The following FHIT variants were observed in gnomAD, a reference collection of about 807,000 sequenced individuals.
FHIT encodes the protein bis(5'-adenosyl)-triphosphatase.
A neutral mutation model predicts 17.9 loss-of-function variants in FHIT; 19 were observed. The observed-to-expected ratio is 1.06, with a 90% CI of 0.74 to 1.56. The LOEUF (loss-of-function observed/expected upper bound fraction) is 1.56. Ranked by LOEUF, FHIT falls within the 40% of genes most tolerant of loss-of-function variation. The pLI is 0.00. For missense variants in FHIT, 248 were observed against 189.2 expected (o/e 1.31, Z -1.82); for synonymous variants, 81 against 69.7 (o/e 1.16, Z -0.81).
intron 5 of FHIT, among the ~76,000 whole-genome samples, chr3:60,261,993 T>A (rs558759988): frequency 5.1e-4 from 77 of 152,030 alleles, no homozygotes; most frequent in Non-Finnish European, 8.8e-4. Context: ...ATTTCTCCCC[T>A]ACCATCTACT....
chr3:60,072,387 C>G (rs1212467959), intron 5 of FHIT, among the ~76,000 whole-genome samples: 1 of 152,034 alleles, frequency 6.6e-6, no homozygotes, highest in African/African-American at 2.4e-5. Flanking sequence ...AACCTTGTGG[C>G]CCATACCATA....
At chr3:60,981,604 C>T (rs1167359792) in intron 3 of FHIT, among the ~76,000 whole-genome samples, 1 of 152,084 alleles carries the variant, frequency 6.6e-6, no homozygotes, top group Non-Finnish European at 1.5e-5. Flanking sequence ...AGCCACGGTG[C>T]CCAGCCACTT....
intron 8 of FHIT, among the ~76,000 whole-genome samples, chr3:59,758,177 A>C (rs1272524484): frequency 1.3e-5 from 2 of 152,186 alleles, no homozygotes; most frequent in Non-Finnish European, 2.9e-5. Flanking sequence ...AAAGATGGTA[A>C]TGAGATTTTG....
intron 5 of FHIT, among the ~76,000 whole-genome samples, chr3:60,173,377 C>A (rs528618146): frequency 3.6e-4 from 55 of 152,064 alleles, no homozygotes; most frequent in Non-Finnish European, 7.1e-4. Flanking sequence ...AGTCAGCCAC[C>A]CTGGTATGAA....
At chr3:59,947,371 A>G (rs1706864079) in intron 7 of FHIT, among the ~76,000 whole-genome samples, 1 of 151,690 alleles carries the variant, frequency 6.6e-6, no homozygotes, top group Non-Finnish European at 1.5e-5. Flanking sequence ...CCCCTTTGTC[A>G]TTTCTAACTT....
chr3:61,068,654 C>A (rs1368316002), intron 2 of FHIT, among the ~76,000 whole-genome samples: 2 of 151,004 alleles, frequency 1.3e-5, no homozygotes, highest in Admixed American at 1.3e-4. Flanking sequence ...GTGTAGATAT[C>A]TTTGGGGGGA....
Position 60,350,927 on chromosome 3 carries a change from T to G in FHIT, c.103+185933A>C, listed in dbSNP as rs372971413. Among the ~76,000 whole-genome samples the G allele has an allele frequency of 1.9e-4, 29 of 152,296 alleles. 1 individual carries two copies. The highest frequency in any genetic ancestry group is 6.8e-3 in the Middle Eastern group (2 of 294). ...CGAGAGTCTCTCTCCCTTGTTGGCTTTGAAGAAGCAAACTGTCATGAATCC... is the reference window on the plus strand; with the variant it reads ...CGAGAGTCTCTCTCCCTTGTTGGCTGTGAAGAAGCAAACTGTCATGAATCC... On this transcript the variant is annotated intron_variant, in intron 5 of 9. Coordinates refer to ENST00000492590, the MANE Select transcript of FHIT (RefSeq NM_002012.4).
rs139666727 is a variant in FHIT at position 59,922,405 on chromosome 3, C to T, written c.289G>A (p.Val97Ile). 84 of 1,613,354 alleles carry T rather than the reference C, an allele frequency of 5.2e-5. No individual in the cohort carries two copies. Among genetic ancestry groups the T allele is most frequent in the African/African-American group, 2.5e-4 (19 of 74,972 alleles). Residue 97 changes from valine (V) to isoleucine (I), a missense_variant, in exon 8 of 10, where the codon GTC becomes ATC. Transcript: ENST00000492590. ...CCAGCCTTCCTGGGAAGAACATGGA[C>T]GTGAACGTGCTGAAAATGTACAAGA... ...EAGQTVKHVH[V>I]HVLPRKAGDF...
At chr3:60,667,342 C>G (rs2040404941) in intron 4 of FHIT, among the ~76,000 whole-genome samples, 2 of 151,840 alleles carry the variant, frequency 1.3e-5, no homozygotes, top group Non-Finnish European at 2.9e-5. Flanking sequence ...TTGTTTTGTC[C>G]TCAAATTTAG....
chr3:59,762,534 C>G (rs979305543), intron 8 of FHIT, among the ~76,000 whole-genome samples: 3 of 152,086 alleles, frequency 2.0e-5, no homozygotes, highest in Non-Finnish European at 4.4e-5. Context: ...TGGATCCAGA[C>G]ATGCAGCAAA....
At chr3:61,185,644 A>T (rs1473008828) in intron 2 of FHIT, among the ~76,000 whole-genome samples, 1 of 152,194 alleles carries the variant, frequency 6.6e-6, no homozygotes, top group East Asian at 1.9e-4. Flanking sequence ...GCAGGAGATG[A>T]GGATGCAGTA....
intron 5 of FHIT, among the ~76,000 whole-genome samples, chr3:60,335,178 A>G (rs1398046474): frequency 6.6e-6 from 1 of 152,228 alleles, no homozygotes; most frequent in African/African-American, 2.4e-5. Flanking sequence ...TTCACAGGAA[A>G]ATAGTCAATT....
At chr3:61,172,676 G>T (rs17689493) in intron 2 of FHIT, among the ~76,000 whole-genome samples, 15,323 of 152,062 alleles carry the variant, frequency 0.1, 874 homozygotes, top group South Asian at 0.2. Flanking sequence ...ATGTGACTAT[G>T]TCCAAACACT....
intron 5 of FHIT, among the ~76,000 whole-genome samples, chr3:60,115,624 G>C (rs1232634767): frequency 6.6e-6 from 1 of 152,060 alleles, no homozygotes; most frequent in Non-Finnish European, 1.5e-5. Flanking sequence ...ACAAAGATTA[G>C]TTGTAAAACA....
At chr3:60,809,728 T>C (rs1701512237) in intron 4 of FHIT, among the ~76,000 whole-genome samples, 1 of 152,148 alleles carries the variant, frequency 6.6e-6, no homozygotes, top group Non-Finnish European at 1.5e-5. Context: ...TTCTGAAACC[T>C]TAAAGGTTGT....
At chr3:60,342,346 T>C (rs1381502497) in intron 5 of FHIT, among the ~76,000 whole-genome samples, 1 of 152,242 alleles carries the variant, frequency 6.6e-6, no homozygotes, top group Non-Finnish European at 1.5e-5. Flanking sequence ...CTAGGTTCCA[T>C]AGTGTGGCAG....
chr3:60,867,700 C>A (rs186382770), intron 3 of FHIT, among the ~76,000 whole-genome samples: 4 of 152,132 alleles, frequency 2.6e-5, no homozygotes, highest in Non-Finnish European at 5.9e-5. Context: ...AAAGAAAAAA[C>A]TATGTTTAAT....
intron 5 of FHIT, among the ~76,000 whole-genome samples, chr3:60,242,867 G>A (rs1337988787): frequency 2.6e-5 from 4 of 151,820 alleles, no homozygotes; most frequent in African/African-American, 4.8e-5. Flanking sequence ...ATACACATAT[G>A]TGAACATCTC....
intron 5 of FHIT, among the ~76,000 whole-genome samples, chr3:60,424,685 G>A (rs997711955): frequency 6.6e-6 from 1 of 152,132 alleles, no homozygotes; most frequent in Non-Finnish European, 1.5e-5. Context: ...TGTAGCTGAA[G>A]AGTCAGCAGG....
Sources: allele counts gnomAD v4.1 joint callset (sites outside exome capture counted in the v4.1 genomes callset), GRCh38; gene constraint gnomAD v4.1.1; transcripts MANE v1.5; gene names NCBI Gene and HGNC (gene_info 2026-07-23, HGNC 2026-07-21).